R3HDM1: variants seen among roughly 807,000 people sequenced by gnomAD.
R3HDM1 encodes the protein R3H domain containing 1.
In R3HDM1, 46 loss-of-function variants were observed where a neutral mutation model predicts 141.1. That is an observed-to-expected ratio of 0.33 (90% CI 0.26 to 0.42). The LOEUF is 0.42. R3HDM1 is among the 10% of genes least tolerant of loss of function. The pLI, the probability that R3HDM1 is intolerant of heterozygous loss-of-function variation, is 1.00. For missense variants in R3HDM1, 1,184 were observed against 1,368.3 expected (o/e 0.87, Z 2.12); for synonymous variants, 435 against 472.9 (o/e 0.92, Z 1.04).
rs4954271 is a variant in R3HDM1, at chr2:135,615,070, T to A, written c.172-1082T>A. On this transcript the variant is annotated intron_variant, in intron 3 of 26. Coordinates refer to ENST00000683871, the MANE Select transcript of R3HDM1 (RefSeq NM_001378107.1). ...AACAAAGTCATTTTTCTTTTATTTT[T>A]TCTATTTTCCTTTTGTTGTTCTGTA... Among the ~76,000 whole-genome samples, 389 of 152,224 alleles carry A rather than the reference T, an allele frequency of 2.6e-3. 3 individuals are homozygous for A. The highest frequency in any genetic ancestry group is 2.2e-3 in the Non-Finnish European group (153 of 68,006).
At chr2:135,556,950 G>A (rs1469386222) in intron 1 of R3HDM1, among the ~76,000 whole-genome samples, 7 of 151,940 alleles carry the variant, frequency 4.6e-5, no homozygotes, top group Non-Finnish European at 1.0e-4. Flanking sequence ...TATTGCTCTA[G>A]CATCCTTTTT....
chr2:135,644,819 A>C (rs1207745319), intron 15 of R3HDM1, among the ~76,000 whole-genome samples: 3 of 152,080 alleles, frequency 2.0e-5, no homozygotes, highest in Non-Finnish European at 4.4e-5. Flanking sequence ...ACATATTATG[A>C]AATAAGGCTA....
chr2:135,647,272 C>T (rs1214783121), intron 16 of R3HDM1, among the ~76,000 whole-genome samples: 11 of 152,166 alleles, frequency 7.2e-5, no homozygotes, highest in African/African-American at 2.7e-4. Context: ...TCAGCTTGGT[C>T]CCAAAGAGTT....
chr2:135,709,394 T>A (rs761306274), intron 21 of R3HDM1, 39 bp from the exon 22 acceptor site: 1 of 1,610,734 alleles, frequency 6.2e-7, no homozygotes, highest in South Asian at 1.1e-5. Context: ...TTTATAGTCA[T>A]CCTCCTCTCA....
intron 19 of R3HDM1, chr2:135,667,772 T>C (rs2067755535): frequency 4.1e-6 from 4 of 978,926 alleles, no homozygotes; most frequent in Non-Finnish European, 4.9e-6. Flanking sequence ...TCATTGGATT[T>C]TTCTTTCTCA....
At chr2:135,569,180 A>AT (rs1036467426) in intron 1 of R3HDM1, among the ~76,000 whole-genome samples, 3 of 152,034 alleles carry the variant, frequency 2.0e-5, no homozygotes, top group East Asian at 1.9e-4. Context: ...AATGTAGAAG[A>AT]TTTTTTTTAA....
At chr2:135,540,381 AAT>A (rs1189127313) in intron 1 of R3HDM1, among the ~76,000 whole-genome samples, 1 of 152,190 alleles carries the variant, frequency 6.6e-6, no homozygotes, top group African/African-American at 2.4e-5. Flanking sequence ...GTGGTCAAAA[AAT>A]AAAAATCTTT....
chr2:135,612,450 C>G (rs1010186147), intron 3 of R3HDM1, among the ~76,000 whole-genome samples: 8 of 152,112 alleles, frequency 5.3e-5, no homozygotes, highest in Admixed American at 2.6e-4. Flanking sequence ...TATTTTTGTG[C>G]TAATACATAT....
chr2:135,556,709 A>G (rs995889892), intron 1 of R3HDM1, among the ~76,000 whole-genome samples: 14 of 152,060 alleles, frequency 9.2e-5, no homozygotes, highest in South Asian at 2.1e-4. Flanking sequence ...TAGTAGAGAC[A>G]GGGTTTCACC....
At chr2:135,639,558 A>G (rs2063575264) in intron 14 of R3HDM1, among the ~76,000 whole-genome samples, 1 of 152,208 alleles carries the variant, frequency 6.6e-6, no homozygotes, top group South Asian at 2.1e-4. Context: ...TTCATTTTCC[A>G]TTAAAAAAAT....
At chr2:135,722,413 A>C (rs1354776270) in intron 25 of R3HDM1, 56 bp from the exon 26 acceptor site, 2 of 1,568,470 alleles carry the variant, frequency 1.3e-6, no homozygotes, top group Admixed American at 3.6e-5. Flanking sequence ...TTAAACATCC[A>C]AAGTGTGTTT....
chr2:135,590,987 A>G (rs1709139976), intron 1 of R3HDM1, among the ~76,000 whole-genome samples: 1 of 152,192 alleles, frequency 6.6e-6, no homozygotes, highest in African/African-American at 2.4e-5. Flanking sequence ...TTGGCAATTC[A>G]AGAAATAAAG....
intron 1 of R3HDM1, among the ~76,000 whole-genome samples, chr2:135,542,046 A>G (rs967501333): frequency 1.3e-5 from 2 of 152,134 alleles, no homozygotes; most frequent in African/African-American, 4.8e-5. Context: ...TGTGTACCTT[A>G]TACTCATAGC....
At chr2:135,578,846 T>C (rs1706113311) in intron 1 of R3HDM1, among the ~76,000 whole-genome samples, 4 of 152,226 alleles carry the variant, frequency 2.6e-5, no homozygotes, top group Admixed American at 1.3e-4. Flanking sequence ...CATTGTTGTA[T>C]AAAGAAGTTA....
intron 3 of R3HDM1, among the ~76,000 whole-genome samples, chr2:135,611,383 A>G (rs2060536784): frequency 6.6e-6 from 1 of 152,206 alleles, no homozygotes; most frequent in African/African-American, 2.4e-5. Flanking sequence ...CCTGAGTGAC[A>G]GAGTCAGACC....
intron 3 of R3HDM1, among the ~76,000 whole-genome samples, chr2:135,609,249 T>C (rs1345970481): frequency 6.6e-6 from 1 of 152,218 alleles, no homozygotes; most frequent in African/African-American, 2.4e-5. Context: ...GTTTTCTCTT[T>C]CCACTTTTAA....
chr2:135,652,691 C>T (rs2065273664), intron 18 of R3HDM1, among the ~76,000 whole-genome samples: 1 of 152,106 alleles, frequency 6.6e-6, no homozygotes, highest in African/African-American at 2.4e-5. Context: ...CCTTTATTTT[C>T]TGATGGTGTT....
At chr2:135,574,863 A>G (rs1226244846) in intron 1 of R3HDM1, among the ~76,000 whole-genome samples, 2 of 152,172 alleles carry the variant, frequency 1.3e-5, no homozygotes, top group African/African-American at 4.8e-5. Context: ...CAGGAATCTT[A>G]TATATAATGG....
intron 1 of R3HDM1, among the ~76,000 whole-genome samples, chr2:135,554,006 A>C (rs1259274506): frequency 6.6e-6 from 1 of 152,194 alleles, no homozygotes; most frequent in African/African-American, 2.4e-5. Flanking sequence ...GGTTTTTTAA[A>C]CAAGTTTATT....
Sources: allele counts gnomAD v4.1 joint callset (sites outside exome capture counted in the v4.1 genomes callset), GRCh38; gene constraint gnomAD v4.1.1; transcripts MANE v1.5; gene names NCBI Gene and HGNC (gene_info 2026-07-23, HGNC 2026-07-21).